Variants in ZNF823 observed in about 807,000 individuals in gnomAD.
The protein encoded by ZNF823 is ZFP 36 for a zinc finger protein.
A neutral mutation model predicts 11.4 loss-of-function variants in ZNF823; 5 were observed. The observed-to-expected ratio is 0.44, with a 90% CI of 0.23 to 0.92. The LOEUF is 0.92. Among genes scored for constraint, ZNF823 ranks in the 40% least tolerant of loss-of-function variants. The pLI is 0.24. For synonymous variants in ZNF823, 234 were observed against 250.5 expected, an observed-to-expected ratio of 0.93 and a Z score of 0.62; for missense variants, 582 against 738.5, an observed-to-expected ratio of 0.79 and a Z score of 2.46.
chr19:11,733,492 G>A (rs1974940544), intron 1 of ZNF823, among the ~76,000 whole-genome samples: 1 of 151,878 alleles, frequency 6.6e-6, no homozygotes. Flanking sequence ...TCTGAGGTCA[G>A]GAGTTCAAGA....
chr19:11,721,708 G>A lies in ZNF823; in HGVS notation c.1826C>T (p.Thr609Ile), dbSNP rs574508466. The change falls in exon 4 of 4, where the codon ACT becomes ATT. Residue 609 changes from threonine (T) to isoleucine (I), a missense_variant. Thr to Ile is a moderately conservative substitution (Grantham distance 89). This residue lies in a region of ZNF823 where 144 missense variants were observed against 154.3 expected (regional missense o/e 0.93). Coordinates refer to ENST00000341191, the MANE Select transcript of ZNF823 (RefSeq NM_001080493.4). Reference protein sequence around the residue: ...HRHKRTHWKDTL With the variant: ...HRHKRTHWKDIL Reference sequence around the variant, plus strand: ...TTCCCACATTCCATACATTTAGAGAGTATCTTTCCAGTGAGTCCTTTTATG... The same window carrying A: ...TTCCCACATTCCATACATTTAGAGAATATCTTTCCAGTGAGTCCTTTTATG... 3 of 1,608,324 alleles carry A rather than the reference G, an allele frequency of 1.9e-6. No homozygotes were observed. The highest frequency in any genetic ancestry group is 2.5e-6 in the Non-Finnish European group (3 of 1,177,204).
At chr19:11,738,540 G>T (rs1025204339) in intron 1 of ZNF823, among the ~76,000 whole-genome samples, 2 of 152,246 alleles carry the variant, frequency 1.3e-5, no homozygotes, top group African/African-American at 2.4e-5. Flanking sequence ...CACAATCTGG[G>T]GAGACGCGGA....
At chr19:11,729,174 CAA>C (rs61651737) in intron 1 of ZNF823, among the ~76,000 whole-genome samples, 3,016 of 131,214 alleles carry the variant, frequency 0.023, 95 homozygotes, top group African/African-American at 0.076. Flanking sequence ...GACTCTGTCT[CAA>C]AAAAAAAAAA....
intron 1 of ZNF823, among the ~76,000 whole-genome samples, chr19:11,737,316 T>G (rs1975008966): frequency 6.6e-6 from 1 of 152,018 alleles, no homozygotes; most frequent in Non-Finnish European, 1.5e-5. Flanking sequence ...CAGGCTGGAG[T>G]GCAATGGCGT....
chr19:11,728,196 A>C (rs286268), intron 1 of ZNF823, among the ~76,000 whole-genome samples: 91,763 of 151,978 alleles, frequency 0.6, 28,403 homozygotes, highest in African/African-American at 0.74. Flanking sequence ...TTTTCCATTT[A>C]ATCAGTGATG....
chr19:11,737,936 C>T (rs1435949306), intron 1 of ZNF823, among the ~76,000 whole-genome samples: 1 of 152,174 alleles, frequency 6.6e-6, no homozygotes, highest in East Asian at 1.9e-4. Context: ...GACTGGGGAA[C>T]CCACAGATCA....
At chr19:11,737,209 C>T (rs1975006534) in intron 1 of ZNF823, among the ~76,000 whole-genome samples, 2 of 152,160 alleles carry the variant, frequency 1.3e-5, no homozygotes, top group Non-Finnish European at 2.9e-5. Context: ...TGAAAATATT[C>T]GGGTATCTCT....
chr19:11,732,772 G>T lies in ZNF823; in HGVS notation c.3+6045C>A, dbSNP rs144816804. 2.4e-3 allele frequency among the ~76,000 whole-genome samples: 365 copies of T among 152,284 alleles called. 2 individuals carry two copies. Among genetic ancestry groups the T allele is most frequent in the African/African-American group, 8.4e-3 (349 of 41,564 alleles). ...GACACCACCTTCCTAGCGCATCCACGTGTTCACCAACCTGGAAGCTGTCCC... is the reference window on the plus strand; with the variant it reads ...GACACCACCTTCCTAGCGCATCCACTTGTTCACCAACCTGGAAGCTGTCCC... On this transcript the variant is annotated intron_variant, in intron 1 of 3. Coordinates refer to ENST00000341191, the MANE Select transcript of ZNF823 (RefSeq NM_001080493.4).
At chr19:11,723,783 G>A (rs1418912111) in intron 3 of ZNF823, among the ~76,000 whole-genome samples, 1 of 152,210 alleles carries the variant, frequency 6.6e-6, no homozygotes, top group African/African-American at 2.4e-5. Context: ...GACCTCAGGT[G>A]ATCCACCCGC....
intron 1 of ZNF823, among the ~76,000 whole-genome samples, chr19:11,728,643 T>C (rs1974838975): frequency 6.6e-6 from 1 of 152,096 alleles, no homozygotes; most frequent in Admixed American, 6.5e-5. Context: ...AATTCACTAA[T>C]AAAATTTAAG....
At chr19:11,735,813 A>C (rs1025301734) in intron 1 of ZNF823, among the ~76,000 whole-genome samples, 10 of 152,228 alleles carry the variant, frequency 6.6e-5, no homozygotes, top group Non-Finnish European at 1.3e-4. Context: ...ATAGGAGGGA[A>C]GAAAACCACA....
Position 11,723,003 on chromosome 19 carries a change from T to C in ZNF823, c.531A>G (p.Gly177=), listed in dbSNP as rs1203819103. The C allele has an allele frequency of 1.2e-6, 2 of 1,614,106 alleles. No individual in the cohort carries two copies. The highest frequency in any genetic ancestry group is 3.3e-5 in the Admixed American group (2 of 60,004). The change falls in exon 4 of 4, where the codon GGA becomes GGG. Residue 177 remains glycine, a synonymous_variant. Coordinates refer to ENST00000341191, the MANE Select transcript of ZNF823 (RefSeq NM_001080493.4). ...GTGCCGCCATGTGTCTTCGGAGGTT[T>C]CCAAGAGAACTAAAGGTTTTTGCAC... ...KECAKTFSSL[G]NLRRHMAAHH...
chr19:11,733,969 T>C (rs975249779), intron 1 of ZNF823, among the ~76,000 whole-genome samples: 4 of 152,014 alleles, frequency 2.6e-5, no homozygotes, highest in African/African-American at 9.7e-5. Flanking sequence ...GTGAGGCGGC[T>C]CACATCTGTA....
intron 3 of ZNF823, among the ~76,000 whole-genome samples, 172 bp from the exon 4 acceptor site, chr19:11,723,514 A>T (rs1458135747): frequency 6.6e-6 from 1 of 152,192 alleles, no homozygotes; most frequent in African/African-American, 2.4e-5. Context: ...CTATTAGCAA[A>T]ACAGTGATAT....
intron 3 of ZNF823, among the ~76,000 whole-genome samples, 171 bp downstream of exon 3, chr19:11,724,023 C>T (rs1454804097): frequency 6.6e-6 from 1 of 152,162 alleles, no homozygotes; most frequent in African/African-American, 2.4e-5. Context: ...CCTTGGCCTC[C>T]CAAAGTGCTG....
intron 1 of ZNF823, among the ~76,000 whole-genome samples, chr19:11,731,934 G>A (rs370164410): frequency 2.7e-5 from 4 of 150,258 alleles, no homozygotes; most frequent in East Asian, 2.0e-4. Context: ...GTTTGAACCC[G>A]TGAGGCAGAG....
In ZNF823 at chr19:11,722,724, G is replaced by A. The variant is rs780921181; in HGVS notation, c.810C>T (p.His270=). 4.4e-5 allele frequency: 71 copies of A among 1,614,114 alleles called. No individual in the cohort carries two copies. The South Asian group carries it at 7.8e-4, about 18-fold the overall frequency. ...TACATTTATAGGGTTTCTCTCCGGT[G>A]TGAGTTCTCTCATGTCTTAGATAGG... ...YSTYLRHERT[H]TGEKPYKCTQ... Residue 270 remains histidine (H), a synonymous_variant, in exon 4 of 4, where the codon CAC becomes CAT. Transcript: ENST00000341191. The surrounding 1 kb of genome is among the most constrained non-coding windows in gnomAD (Gnocchi z 5.2).
rs1974677612 is a variant in ZNF823 at position 11,721,566 on chromosome 19, G to A, written c.*135C>T. On this transcript the variant is annotated 3_prime_UTR_variant, in exon 4 of 4. Transcript: ENST00000341191. ...AACCAATCCCCTGCAATATATTGGG[G>A]GATAACTGTATTTAAAAAAATTGAA... 1.2e-6 allele frequency: 1 copy of A among 847,850 alleles called. No individual in the cohort carries two copies. Among genetic ancestry groups the A allele is most frequent in the Non-Finnish European group, 1.8e-6 (1 of 558,556 alleles). The allele number at this position is 847,850 out of a possible 1,614,324, so 52.5% of individuals were successfully genotyped here.
chr19:11,732,009 CAAAA>C (rs34026773), intron 1 of ZNF823, among the ~76,000 whole-genome samples: 2 of 96,942 alleles, frequency 2.1e-5, no homozygotes. Context: ...AACTCCGTCT[CAAAA>C]AAAAAAAAAA....
Sources: allele counts gnomAD v4.1 joint callset (sites outside exome capture counted in the v4.1 genomes callset), GRCh38; gene constraint gnomAD v4.1.1; regional missense constraint gnomAD v4.1.1; non-coding constraint Gnocchi (gnomAD v3.1); transcripts MANE v1.5; gene names NCBI Gene and HGNC (gene_info 2026-07-23, HGNC 2026-07-21).